Variants in EPHB1 observed in about 807,000 individuals in gnomAD.
The protein encoded by EPHB1 is EPH receptor B1.
EPHB1 carries 30 observed loss-of-function variants against 94.4 expected under a neutral mutation model. The observed-to-expected ratio is 0.32, with a 90% CI of 0.24 to 0.43. The LOEUF (loss-of-function observed/expected upper bound fraction) is 0.43. EPHB1 is among the 20% of genes least tolerant of loss of function. The pLI, the probability that EPHB1 is intolerant of heterozygous loss-of-function variation, is 1.00. For missense variants in EPHB1, 1,055 were observed against 1,308.3 expected, an observed-to-expected ratio of 0.81 and a Z score of 2.99; for synonymous variants, 522 against 489.1, an observed-to-expected ratio of 1.07 and a Z score of -0.89.
intron 1 of EPHB1, among the ~76,000 whole-genome samples, chr3:134,810,276 A>AGT (rs35841212): frequency 0.15 from 21,067 of 145,076 alleles, 1,574 homozygotes; most frequent in Middle Eastern, 0.21. Flanking sequence ...GCACAGGAGG[A>AGT]GTGTGTGTGT....
At chr3:135,152,351 C>T (rs188364799) in intron 5 of EPHB1, among the ~76,000 whole-genome samples, 34 of 152,292 alleles carry the variant, frequency 2.2e-4, no homozygotes, top group African/African-American at 7.5e-4. Flanking sequence ...TATAGAACAG[C>T]AGCTCCTGGA....
chr3:135,178,458 CAAAAA>C (rs57207495), intron 9 of EPHB1, among the ~76,000 whole-genome samples: 1 of 98,814 alleles, frequency 1.0e-5, no homozygotes, highest in Non-Finnish European at 2.1e-5. Flanking sequence ...AAGACTGTCT[CAAAAA>C]AAAAAAAAAA....
At chr3:135,020,109 A>G (rs1559797389) in intron 3 of EPHB1, among the ~76,000 whole-genome samples, 1 of 151,940 alleles carries the variant, frequency 6.6e-6, no homozygotes, top group African/African-American at 2.4e-5. Flanking sequence ...CTGTTCATTG[A>G]TTTTTTTTCC....
intron 1 of EPHB1, among the ~76,000 whole-genome samples, chr3:134,879,987 C>T (rs2037695530): frequency 6.6e-6 from 1 of 152,170 alleles, no homozygotes; most frequent in Non-Finnish European, 1.5e-5. Flanking sequence ...TTTGAGAACC[C>T]TGGGCTCCAG....
chr3:135,220,767 G>A (rs945732064), intron 12 of EPHB1, among the ~76,000 whole-genome samples: 2 of 152,152 alleles, frequency 1.3e-5, no homozygotes, highest in African/African-American at 4.8e-5. Context: ...TTGTCTGAGT[G>A]TTATCTATAA....
At chr3:135,085,011 C>A (rs575402948) in intron 3 of EPHB1, among the ~76,000 whole-genome samples, 68 of 152,158 alleles carry the variant, frequency 4.5e-4, no homozygotes, top group Non-Finnish European at 8.8e-4. Flanking sequence ...TGCCCGCAAC[C>A]TCACAGGTAG....
chr3:134,962,479 G>C (rs920018523), intron 3 of EPHB1, among the ~76,000 whole-genome samples: 1 of 152,170 alleles, frequency 6.6e-6, no homozygotes, highest in African/African-American at 2.4e-5. Context: ...AATGTCTGTA[G>C]ATGGGACAGG....
intron 3 of EPHB1, among the ~76,000 whole-genome samples, chr3:135,000,091 A>C (rs570720475): frequency 6.6e-6 from 1 of 152,220 alleles, no homozygotes; most frequent in South Asian, 2.1e-4. Context: ...CCACCTCCTC[A>C]CTGGAAATTT....
At chr3:135,108,646 C>T (rs541618325) in intron 4 of EPHB1, among the ~76,000 whole-genome samples, 9 of 152,254 alleles carry the variant, frequency 5.9e-5, no homozygotes, top group East Asian at 5.8e-4. Context: ...TTAGAGAGCT[C>T]TGTGTTTTGA....
At chr3:134,960,329 G>T (rs1933465909) in intron 3 of EPHB1, among the ~76,000 whole-genome samples, 1 of 152,118 alleles carries the variant, frequency 6.6e-6, no homozygotes, top group Non-Finnish European at 1.5e-5. Context: ...ACAGGTCTTT[G>T]ACAGGCATGT....
At chr3:134,929,177 A>G (rs1377359738) in intron 2 of EPHB1, among the ~76,000 whole-genome samples, 1 of 152,122 alleles carries the variant, frequency 6.6e-6, no homozygotes, top group Admixed American at 6.5e-5. Context: ...TGAAATAGCA[A>G]GACAGAGATA....
chr3:134,931,100 G>C (rs1578206512), intron 2 of EPHB1, among the ~76,000 whole-genome samples: 1 of 152,218 alleles, frequency 6.6e-6, no homozygotes, highest in Admixed American at 6.5e-5. Context: ...TAGGTTTACT[G>C]TAACCCAAAT....
intron 1 of EPHB1, among the ~76,000 whole-genome samples, chr3:134,838,790 G>A (rs1309589453): frequency 6.6e-6 from 1 of 152,136 alleles, no homozygotes; most frequent in Non-Finnish European, 1.5e-5. Flanking sequence ...AGCAGCCACC[G>A]CCACCTGGTG....
intron 1 of EPHB1, among the ~76,000 whole-genome samples, chr3:134,851,479 C>G (rs1049197250): frequency 2.6e-5 from 4 of 152,136 alleles, no homozygotes; most frequent in African/African-American, 9.7e-5. Flanking sequence ...CTGCAACTCC[C>G]CTTGCAGCTT....
chr3:135,258,932 A>G (rs1933532064), intron 15 of EPHB1, 80 bp from the exon 16 acceptor site: 2 of 1,205,740 alleles, frequency 1.7e-6, no homozygotes, highest in Non-Finnish European at 2.4e-6. Flanking sequence ...TCCCAAGAAC[A>G]TGGCTTTAGT....
chr3:134,889,258 G>T (rs1365309257), intron 1 of EPHB1, among the ~76,000 whole-genome samples: 1 of 152,138 alleles, frequency 6.6e-6, no homozygotes, highest in Non-Finnish European at 1.5e-5. Flanking sequence ...CCTGGGCTAG[G>T]GTGATTACAA....
chr3:135,204,640 A>G (rs1048970827), intron 12 of EPHB1, among the ~76,000 whole-genome samples: 2 of 150,758 alleles, frequency 1.3e-5, no homozygotes, highest in African/African-American at 2.4e-5. Flanking sequence ...AGCTGGGACT[A>G]CAGATGTGCG....
chr3:135,152,151 T>C (rs892322593), intron 5 of EPHB1, among the ~76,000 whole-genome samples: 1 of 152,152 alleles, frequency 6.6e-6, no homozygotes, highest in Non-Finnish European at 1.5e-5. Flanking sequence ...GGGAGAAATA[T>C]TTGACTATTT....
intron 3 of EPHB1, among the ~76,000 whole-genome samples, chr3:135,052,575 T>G (rs1288591301): frequency 2.6e-5 from 4 of 151,746 alleles, no homozygotes; most frequent in Non-Finnish European, 5.9e-5. Flanking sequence ...TATAAAAATA[T>G]AAATGGCCAA....
Sources: allele counts gnomAD v4.1 joint callset (sites outside exome capture counted in the v4.1 genomes callset), GRCh38; gene constraint gnomAD v4.1.1; transcripts MANE v1.5; gene names NCBI Gene and HGNC (gene_info 2026-07-23, HGNC 2026-07-21).